Variants in CHD7 observed in about 807,000 individuals in gnomAD.
CHD7 encodes ATP-dependent chromatin remodeler CHD7.
In CHD7, 24 loss-of-function variants were observed where a neutral mutation model predicts 307.3. The ratio of observed to expected loss-of-function variants is 0.08; its 90% CI spans 0.06 to 0.11. The LOEUF (loss-of-function observed/expected upper bound fraction) is 0.11, where lower values mean the gene tolerates loss of function less well. Among genes scored for constraint, CHD7 ranks in the 10% least tolerant of loss-of-function variants. The probability of loss-of-function intolerance (pLI) is 1.00; values close to 1 mark genes in which losing one functional copy is unlikely to be tolerated. For synonymous variants in CHD7, 1,363 were observed against 1,349.9 expected, an observed-to-expected ratio of 1.01 and a Z score of -0.21; for missense variants, 3,106 against 3,727.1, an observed-to-expected ratio of 0.83 and a Z score of 4.34.
chr8:60,734,900 A>G (rs908178697), intron 1 of CHD7, among the ~76,000 whole-genome samples: 1 of 152,218 alleles, frequency 6.6e-6, no homozygotes, highest in African/African-American at 2.4e-5. Flanking sequence ...AGATCATTCA[A>G]TCAGTAGTGT....
chr8:60,799,419 T>C lies in CHD7; in HGVS notation c.2239-969T>C, dbSNP rs189031365. Among the ~76,000 whole-genome samples the C allele has an allele frequency of 9.2e-5, 14 of 152,348 alleles. No individual in the cohort carries two copies. In the East Asian group the frequency reaches 2.7e-3, roughly 29 times the overall value. On this transcript the variant is annotated intron_variant, in intron 4 of 37. Coordinates refer to ENST00000423902, the MANE Select transcript of CHD7 (RefSeq NM_017780.4). ...CTAATACTGGCTATTACCAATCTTT[T>C]TAATTTTAACCACTATGGTAAAAAC...
chr8:60,844,249 A>G (rs1805101234), intron 21 of CHD7, among the ~76,000 whole-genome samples: 2 of 152,200 alleles, frequency 1.3e-5, no homozygotes, highest in South Asian at 4.1e-4. Context: ...TCTTCTGTCC[A>G]TAGTCGTTTC....
intron 2 of CHD7, among the ~76,000 whole-genome samples, chr8:60,780,001 A>G (rs557683190): frequency 7.9e-5 from 12 of 152,380 alleles, no homozygotes; most frequent in Non-Finnish European, 1.5e-4. Context: ...ACATGCCAGA[A>G]GAAGCATATG....
chr8:60,797,852 A>G (rs1812104900), intron 4 of CHD7, among the ~76,000 whole-genome samples: 1 of 152,172 alleles, frequency 6.6e-6, no homozygotes, highest in South Asian at 2.1e-4. Context: ...TCAGCTTTGG[A>G]AAGAAAAGGG....
At chr8:60,843,700 T>G (rs1805071426) in intron 21 of CHD7, among the ~76,000 whole-genome samples, 1 of 152,182 alleles carries the variant, frequency 6.6e-6, no homozygotes, top group South Asian at 2.1e-4. Flanking sequence ...GTCTCCCCAC[T>G]TCTGGGGTTA....
chr8:60,759,102 G>A (rs1810034122), intron 2 of CHD7, among the ~76,000 whole-genome samples: 1 of 152,154 alleles, frequency 6.6e-6, no homozygotes, highest in Non-Finnish European at 1.5e-5. Context: ...GGACCCCTGA[G>A]GGTCCACAGA....
At position 60,787,733 on chromosome 8, in the gene CHD7, T is replaced by C. The variant is rs140805174; in HGVS notation, c.2096+6303T>C. On this transcript the variant is annotated intron_variant, in intron 3 of 37. Transcript: ENST00000423902. ...TAATGTCTGTGTTAAGCTTCTGTGA[T>C]CAGATAACACATTAGCTAACTAGAC... Among the ~76,000 whole-genome samples, 1,491 of 152,294 alleles carry C rather than the reference T, an allele frequency of 9.8e-3. 12 individuals carry two copies. The highest frequency in any genetic ancestry group is 0.015 in the Non-Finnish European group (1,043 of 68,018).
intron 15 of CHD7, among the ~76,000 whole-genome samples, chr8:60,834,447 C>G (rs547656307): frequency 6.6e-6 from 1 of 152,286 alleles, no homozygotes; most frequent in East Asian, 1.9e-4. Flanking sequence ...ATCTGTTTCC[C>G]CTGTCTCTTG....
chr8:60,790,508 T>A (rs1811723613), intron 3 of CHD7, among the ~76,000 whole-genome samples: 2 of 152,256 alleles, frequency 1.3e-5, no homozygotes, highest in African/African-American at 2.4e-5. Flanking sequence ...TTTACTGAGC[T>A]TTATAGGCGT....
chr8:60,717,741 A>G (rs1807680523), intron 1 of CHD7, among the ~76,000 whole-genome samples: 1 of 59,428 alleles, frequency 1.7e-5, no homozygotes, highest in South Asian at 1.5e-3. Context: ...TTGTCCACTG[A>G]CAATTGTAGT....
intron 2 of CHD7, among the ~76,000 whole-genome samples, chr8:60,760,100 G>C (rs556563545): frequency 3.7e-4 from 56 of 152,292 alleles, no homozygotes; most frequent in African/African-American, 1.3e-3. Context: ...GTCAGACAAG[G>C]CTTCACAGAG....
intron 17 of CHD7, 98 bp downstream of exon 17, chr8:60,837,110 G>T (rs140783748): frequency 2.2e-6 from 2 of 925,486 alleles, no homozygotes; most frequent in South Asian, 1.8e-5. Flanking sequence ...ATGTTGCGTC[G>T]TCACTCAGGC....
At chr8:60,716,467 T>C (rs759897169) in intron 1 of CHD7, among the ~76,000 whole-genome samples, 1 of 152,164 alleles carries the variant, frequency 6.6e-6, no homozygotes, top group Non-Finnish European at 1.5e-5. Flanking sequence ...CTCTCAGTCT[T>C]CCACAGTTGC....
intron 2 of CHD7, among the ~76,000 whole-genome samples, chr8:60,772,960 C>T (rs1351590814): frequency 6.6e-6 from 1 of 152,208 alleles, no homozygotes; most frequent in Non-Finnish European, 1.5e-5. Context: ...GTCAGAGGCA[C>T]CATGATGTTC....
At chr8:60,803,735 T>G (rs920776080) in intron 6 of CHD7, among the ~76,000 whole-genome samples, 2 of 152,252 alleles carry the variant, frequency 1.3e-5, no homozygotes, top group Non-Finnish European at 2.9e-5. Context: ...AGGTGCTAAC[T>G]TTTTAAACTG....
At chr8:60,719,543 G>T (rs919845176) in intron 1 of CHD7, among the ~76,000 whole-genome samples, 4 of 152,082 alleles carry the variant, frequency 2.6e-5, no homozygotes, top group African/African-American at 9.7e-5. Flanking sequence ...AGTTTGTCTT[G>T]CCATGAATTA....
chr8:60,722,002 G>C (rs1289262404), intron 1 of CHD7, among the ~76,000 whole-genome samples: 1 of 152,220 alleles, frequency 6.6e-6, no homozygotes. Context: ...TTTGCAAAAA[G>C]AGAAGGACAA....
Position 60,830,589 on chromosome 8 carries a change from CT to C in CHD7, c.3778+13del. The stretch of plus-strand genomic sequence containing the variant: ...GTACCTTATCAATGGTAAGGCTGCC[CT>C]GCTCGCGAACTTGCTTAAGTGACGA... On this transcript the variant is annotated intron_variant, in intron 15 of 37. Transcript: ENST00000423902. The C allele has an allele frequency of 6.2e-7, 1 of 1,608,646 alleles. No individual in the cohort carries two copies. Among genetic ancestry groups the C allele is most frequent in the Non-Finnish European group, 8.5e-7 (1 of 1,176,000 alleles).
intron 2 of CHD7, among the ~76,000 whole-genome samples, chr8:60,753,719 G>C (rs1586270744): frequency 6.6e-6 from 1 of 151,480 alleles, no homozygotes; most frequent in East Asian, 2.0e-4. Context: ...CCATCTCCTG[G>C]GCTCAAGTGA....
Sources: gnomAD v4.1 joint callset for allele counts (sites outside exome capture counted in the v4.1 genomes callset) on GRCh38, gnomAD v4.1.1 for gene constraint, MANE v1.5 for transcripts, NCBI Gene and HGNC (gene_info 2026-07-23, HGNC 2026-07-21) for gene names.